Variants in PRDM5 observed in about 807,000 individuals in gnomAD.
PRDM5 encodes the protein PR/SET domain 5.
In PRDM5, 56 loss-of-function variants were observed where a neutral mutation model predicts 81.2. That is an observed-to-expected ratio of 0.69 (90% CI 0.56 to 0.86). PRDM5 has a LOEUF of 0.86. PRDM5 is among the 40% of genes least tolerant of loss of function. The pLI, the probability that PRDM5 is intolerant of heterozygous loss-of-function variation, is 0.00. For missense variants in PRDM5, 697 were observed against 770.1 expected, an observed-to-expected ratio of 0.91 and a Z score of 1.12; for synonymous variants, 267 against 256.4, an observed-to-expected ratio of 1.04 and a Z score of -0.39.
chr4:120,860,296 T>C (rs988149878), intron 2 of PRDM5, among the ~76,000 whole-genome samples: 1 of 152,218 alleles, frequency 6.6e-6, no homozygotes, highest in Non-Finnish European at 1.5e-5. Flanking sequence ...TTATTTCCTT[T>C]AAATGTTCAA....
intron 14 of PRDM5, among the ~76,000 whole-genome samples, chr4:120,715,365 A>G (rs1282241762): frequency 6.6e-6 from 1 of 152,186 alleles, no homozygotes; most frequent in Non-Finnish European, 1.5e-5. Flanking sequence ...GAAAGTAACT[A>G]TGTGTGTAAT....
In PRDM5 at chr4:120,922,507, G is replaced by A. The variant is rs747924090; in HGVS notation, c.93+9C>T. ...GCAGGGGCGCGCAGGCCGCCGCCGG[G>A]TCACCCACCTTTCGCACTCTGCGGG... is the stretch of plus-strand genomic sequence containing the variant. On this transcript the variant is annotated intron_variant, in intron 1 of 15. Transcript: ENST00000264808. 5.0e-6 allele frequency: 8 copies of A among 1,593,042 alleles called. No individual in the cohort carries two copies. Among genetic ancestry groups the A allele is most frequent in the Non-Finnish European group, 6.8e-6 (8 of 1,171,132 alleles).
chr4:120,885,149 A>AAAAAAAAAAAAAAAAAAAAAAAAAAAAC (rs1763285901), intron 2 of PRDM5, among the ~76,000 whole-genome samples: 1 of 146,568 alleles, frequency 6.8e-6, no homozygotes, highest in African/African-American at 2.6e-5. Context: ...AAAAAAAAAA[A>AAAAAAAAAAAAAAAAAAAAAAAAAAAAC]AAAAAAAGTA....
rs529464721 is a variant in PRDM5, at chr4:120,873,968, TTTAA to T, written c.178-20432_178-20429del. Among the ~76,000 whole-genome samples, 281 of 152,330 alleles carry T rather than the reference TTTAA, an allele frequency of 1.8e-3. 4 individuals are homozygous for T. The South Asian group carries it at 0.021, about 11-fold the overall frequency. ...ATTAAATGTTTATCCAGTTTTTTTA[TTTAA>T]TTGACACATAATAATTGTACATATT... On this transcript the variant is annotated intron_variant, in intron 2 of 15. Transcript: ENST00000264808.
chr4:120,766,597 T>C (rs1014108088), intron 13 of PRDM5, among the ~76,000 whole-genome samples: 3 of 152,146 alleles, frequency 2.0e-5, no homozygotes, highest in Non-Finnish European at 2.9e-5. Flanking sequence ...TGTAGTTCTA[T>C]GGTATGTTCA....
chr4:120,861,066 G>A (rs889160362), intron 2 of PRDM5, among the ~76,000 whole-genome samples: 2 of 152,188 alleles, frequency 1.3e-5, no homozygotes, highest in African/African-American at 2.4e-5. Flanking sequence ...GGAGTGCAGA[G>A]GTGCAATCTT....
chr4:120,835,685 T>C (rs1757273979), intron 3 of PRDM5, among the ~76,000 whole-genome samples: 1 of 152,160 alleles, frequency 6.6e-6, no homozygotes, highest in Non-Finnish European at 1.5e-5. Context: ...CATGAGGAAC[T>C]GTAAGTCAAC....
intron 2 of PRDM5, among the ~76,000 whole-genome samples, chr4:120,906,715 C>G (rs1336873083): frequency 6.6e-6 from 1 of 152,148 alleles, no homozygotes; most frequent in Non-Finnish European, 1.5e-5. Flanking sequence ...AAAAGACTGT[C>G]TCTAGTGTTA....
chr4:120,749,559 G>A (rs1293867669), intron 14 of PRDM5, among the ~76,000 whole-genome samples: 2 of 152,162 alleles, frequency 1.3e-5, no homozygotes, highest in Admixed American at 6.5e-5. Context: ...CTGCCAGGGA[G>A]CAGCAAAAAC....
intron 15 of PRDM5, among the ~76,000 whole-genome samples, chr4:120,708,069 C>T (rs954125960): frequency 7.9e-5 from 12 of 151,936 alleles, no homozygotes; most frequent in African/African-American, 2.4e-4. Flanking sequence ...AAAATGGTGT[C>T]GCTCCTAAGG....
At chr4:120,837,503 C>T (rs1757494069) in intron 3 of PRDM5, 1 of 152,190 alleles carries the variant, frequency 6.6e-6, no homozygotes, top group Non-Finnish European at 1.5e-5. Flanking sequence ...ACAACTTACA[C>T]TTTTACATAC....
intron 11 of PRDM5, among the ~76,000 whole-genome samples, chr4:120,783,313 A>T (rs1749309222): frequency 6.6e-6 from 1 of 152,064 alleles, no homozygotes; most frequent in Admixed American, 6.6e-5. Context: ...TTCCTGGCCA[A>T]ATGTCACGAT....
At chr4:120,691,653 C>T (rs1221402957), downstream of PRDM5, among the ~76,000 whole-genome samples, 1 of 152,010 alleles carries the variant, frequency 6.6e-6, no homozygotes, top group Non-Finnish European at 1.5e-5. Context: ...ATCCTTTTCA[C>T]ATTGTTCTTT....
At chr4:120,875,015 G>A (rs1762203655) in intron 2 of PRDM5, among the ~76,000 whole-genome samples, 1 of 152,118 alleles carries the variant, frequency 6.6e-6, no homozygotes, top group Non-Finnish European at 1.5e-5. Flanking sequence ...TCACAACACT[G>A]AGCTGAGAAC....
At chr4:120,856,806 C>T (rs917064617) in intron 2 of PRDM5, among the ~76,000 whole-genome samples, 3 of 152,196 alleles carry the variant, frequency 2.0e-5, no homozygotes, top group Non-Finnish European at 4.4e-5. Flanking sequence ...TACCATGTTT[C>T]AGCATCTCCC....
chr4:120,711,705 AAAG>A (rs1428434840), intron 14 of PRDM5, among the ~76,000 whole-genome samples: 1 of 152,164 alleles, frequency 6.6e-6, no homozygotes, highest in Non-Finnish European at 1.5e-5. Flanking sequence ...TAAAAACAAT[AAAG>A]AAAACTTAAG....
intron 2 of PRDM5, among the ~76,000 whole-genome samples, chr4:120,883,126 C>T (rs1191462862): frequency 2.0e-5 from 3 of 152,110 alleles, no homozygotes; most frequent in African/African-American, 7.2e-5. Flanking sequence ...TTGTAGGAAA[C>T]ATGAAAAGTT....
At chr4:120,837,552 A>C (rs1757499460) in intron 3 of PRDM5, 1 of 152,242 alleles carries the variant, frequency 6.6e-6, no homozygotes, top group Non-Finnish European at 1.5e-5. Context: ...GTTGCATGTG[A>C]AATATTTGAA....
At chr4:120,689,066 C>T (rs77484685), downstream of PRDM5, among the ~76,000 whole-genome samples, 1 of 152,226 alleles carries the variant, frequency 6.6e-6, no homozygotes, top group East Asian at 1.9e-4. Context: ...CTTTACTGCA[C>T]TGATGCAACT....
Sources: gnomAD v4.1 joint callset for allele counts (sites outside exome capture counted in the v4.1 genomes callset) on GRCh38, gnomAD v4.1.1 for gene constraint, MANE v1.5 for transcripts, NCBI Gene and HGNC (gene_info 2026-07-23, HGNC 2026-07-21) for gene names.